Variants in MICU1 observed in about 807,000 individuals in gnomAD.
The protein encoded by MICU1 is calcium uptake protein 1, mitochondrial.
A neutral mutation model predicts 56.8 loss-of-function variants in MICU1; 45 were observed. The observed-to-expected ratio is 0.79, with a 90% CI of 0.62 to 1.02. MICU1 has a LOEUF of 1.02. Among genes scored for constraint, MICU1 ranks in the 50% least tolerant of loss-of-function variants. The pLI is 0.00. For synonymous variants in MICU1, 186 were observed against 195.1 expected, an observed-to-expected ratio of 0.95 and a Z score of 0.39; for missense variants, 504 against 587.1, an observed-to-expected ratio of 0.86 and a Z score of 1.46.
intron 10 of MICU1, among the ~76,000 whole-genome samples, chr10:72,405,468 G>A (rs1293703619): frequency 4.0e-5 from 6 of 151,666 alleles, no homozygotes; most frequent in Non-Finnish European, 1.5e-5. Context: ...TGATCCACCT[G>A]CCTCGGCCTC....
intron 5 of MICU1, chr10:72,528,805 G>A (rs1190580874): frequency 2.6e-5 from 5 of 193,484 alleles, no homozygotes; most frequent in Admixed American, 5.5e-5. Flanking sequence ...ATTAGAACTC[G>A]AATAAAGCAC....
intron 6 of MICU1, among the ~76,000 whole-genome samples, chr10:72,494,873 G>A (rs950541948): frequency 1.3e-5 from 2 of 150,934 alleles, no homozygotes; most frequent in Non-Finnish European, 2.9e-5. Flanking sequence ...AAAAAACCAT[G>A]TATAATTTCA....
chr10:72,457,967 G>C (rs551756843), intron 8 of MICU1, among the ~76,000 whole-genome samples: 4 of 151,926 alleles, frequency 2.6e-5, no homozygotes, highest in Non-Finnish European at 5.9e-5. Flanking sequence ...TCAGGAGTTC[G>C]AGACCAGCCT....
Position 72,431,094 on chromosome 10 carries a change from G to GTCTGTCTGTCTATCTATCTA in MICU1, c.934-7724_934-7723insTAGATAGATAGACAGACAGA, listed in dbSNP as rs1554867912. Among the ~76,000 whole-genome samples, 14 of 141,428 alleles carry GTCTGTCTGTCTATCTATCTA rather than the reference G, an allele frequency of 9.9e-5. No homozygotes were observed. The South Asian group carries it at 1.7e-3, about 17-fold the overall frequency. 92.8% of individuals were successfully genotyped at this position (141,428 alleles called of 152,430 possible). ...GCTTTGAATATACCTTTATCTGTCT[G>GTCTGTCTGTCTATCTATCTA]TCTATCTATCTATCTATCTATCTAT... is the stretch of plus-strand genomic sequence containing the variant. On this transcript the variant is annotated intron_variant, in intron 8 of 11. Coordinates refer to ENST00000361114, the MANE Select transcript of MICU1 (RefSeq NM_001195518.2).
chr10:72,470,708 C>CGG (rs112065165), intron 8 of MICU1, among the ~76,000 whole-genome samples: 13 of 151,526 alleles, frequency 8.6e-5, no homozygotes, highest in South Asian at 6.3e-4. Flanking sequence ...GAACTTTGAT[C>CGG]GGGGGGGGTG....
intron 1 of MICU1, among the ~76,000 whole-genome samples, chr10:72,567,480 C>T (rs1245684624): frequency 6.6e-6 from 1 of 152,168 alleles, no homozygotes; most frequent in Non-Finnish European, 1.5e-5. Context: ...TCTACTCTCA[C>T]TCACAGGGCA....
intron 1 of MICU1, among the ~76,000 whole-genome samples, chr10:72,622,200 A>T (rs893502626): frequency 1.3e-5 from 2 of 151,596 alleles, no homozygotes; most frequent in African/African-American, 4.9e-5. Context: ...TGGGATTACA[A>T]GCGTGAGCCA....
At chr10:72,439,784 A>G (rs201507508) in intron 8 of MICU1, among the ~76,000 whole-genome samples, 1 of 152,142 alleles carries the variant, frequency 6.6e-6, no homozygotes, top group African/African-American at 2.4e-5. Flanking sequence ...TCATGAGTGA[A>G]CTCCCATTCA....
intron 9 of MICU1, among the ~76,000 whole-genome samples, chr10:72,422,599 T>C (rs1864211781): frequency 6.6e-6 from 1 of 152,160 alleles, no homozygotes; most frequent in South Asian, 2.1e-4. Flanking sequence ...CCAAAACCAA[T>C]GGATGTTACC....
At chr10:72,578,688 G>C (rs1840817507) in intron 1 of MICU1, among the ~76,000 whole-genome samples, 1 of 151,892 alleles carries the variant, frequency 6.6e-6, no homozygotes, top group Admixed American at 6.6e-5. Flanking sequence ...GCTCACTACA[G>C]CCTCCACCTC....
chr10:72,601,745 G>A (rs1445464353), intron 1 of MICU1, among the ~76,000 whole-genome samples: 2 of 151,660 alleles, frequency 1.3e-5, no homozygotes, highest in African/African-American at 2.4e-5. Flanking sequence ...GGACAGTTGT[G>A]GAGGAATATA....
At chr10:72,452,593 T>A (rs1442562961) in intron 8 of MICU1, among the ~76,000 whole-genome samples, 1 of 152,234 alleles carries the variant, frequency 6.6e-6, no homozygotes, top group Non-Finnish European at 1.5e-5. Context: ...CCTACCATTA[T>A]GTTGCAACTG....
At chr10:72,456,419 A>G (rs1183613811) in intron 8 of MICU1, among the ~76,000 whole-genome samples, 1 of 152,200 alleles carries the variant, frequency 6.6e-6, no homozygotes, top group Non-Finnish European at 1.5e-5. Flanking sequence ...TATACAAGAC[A>G]GTGTGGATTC....
intron 3 of MICU1, among the ~76,000 whole-genome samples, chr10:72,558,215 A>G (rs761305640): frequency 5.9e-5 from 9 of 152,240 alleles, no homozygotes; most frequent in Non-Finnish European, 1.2e-4. Flanking sequence ...ATAAACTTAG[A>G]ATTTTCTGGT....
chr10:72,620,060 A>G (rs1842068560), intron 1 of MICU1, among the ~76,000 whole-genome samples: 2 of 152,202 alleles, frequency 1.3e-5, no homozygotes, highest in Admixed American at 6.5e-5. Flanking sequence ...GGAAAAAAAC[A>G]GCTTGCTAAT....
intron 10 of MICU1, among the ~76,000 whole-genome samples, chr10:72,405,487 C>G (rs1288246629): frequency 6.6e-6 from 1 of 151,484 alleles, no homozygotes; most frequent in Non-Finnish European, 1.5e-5. Flanking sequence ...TCCCAAAGTG[C>G]TGGGATAACA....
intron 1 of MICU1, among the ~76,000 whole-genome samples, chr10:72,613,145 C>T (rs1254938322): frequency 6.6e-6 from 1 of 151,942 alleles, no homozygotes; most frequent in Non-Finnish European, 1.5e-5. Flanking sequence ...TTAAATTCAA[C>T]AATTAACATT....
At position 72,566,616 on chromosome 10, in the gene MICU1, G is replaced by A; in HGVS notation, c.161+17C>T. On this transcript the variant is annotated intron_variant, in intron 2 of 11. Transcript: ENST00000361114. ...ATAAAAGTATACGCAAGAACAAGAT[G>A]GTTGGATAACACTCACCTCTTCCAC... The A allele has an allele frequency of 6.2e-7, 1 of 1,605,814 alleles. No individual in the cohort carries two copies. Among genetic ancestry groups the A allele is most frequent in the African/African-American group, 1.3e-5 (1 of 74,780 alleles).
At chr10:72,470,837 G>C (rs942310553) in intron 8 of MICU1, among the ~76,000 whole-genome samples, 3 of 152,138 alleles carry the variant, frequency 2.0e-5, no homozygotes, top group Non-Finnish European at 4.4e-5. Context: ...TCTTTCACAA[G>C]AGTCTATTGG....
Sources: gnomAD v4.1 joint callset for allele counts (sites outside exome capture counted in the v4.1 genomes callset) on GRCh38, gnomAD v4.1.1 for gene constraint, MANE v1.5 for transcripts, NCBI Gene and HGNC (gene_info 2026-07-23, HGNC 2026-07-21) for gene names.